WDPCP: variants seen among roughly 807,000 people sequenced by gnomAD.
The protein encoded by WDPCP is WD repeat containing planar cell polarity effector.
Under a neutral mutation model 93.1 loss-of-function variants are expected in WDPCP, and 71 were observed. The observed-to-expected ratio is 0.76, with a 90% CI of 0.63 to 0.93. The LOEUF is 0.93. Among genes scored for constraint, WDPCP ranks in the 40% least tolerant of loss-of-function variants. WDPCP has a pLI of 0.00. For missense variants in WDPCP, 844 were observed against 887.4 expected, an observed-to-expected ratio of 0.95 and a Z score of 0.62; for synonymous variants, 315 against 315.0, an observed-to-expected ratio of 1.00 and a Z score of 0.00.
intron 1 of WDPCP, among the ~76,000 whole-genome samples, chr2:63,566,777 G>A (rs761748926): frequency 2.0e-5 from 3 of 152,182 alleles, no homozygotes; most frequent in Admixed American, 6.5e-5. Context: ...CCTCACTTCA[G>A]ATATTGGTTG....
intron 13 of WDPCP, among the ~76,000 whole-genome samples, chr2:63,309,304 G>T (rs1685992837): frequency 6.6e-6 from 1 of 152,082 alleles, no homozygotes; most frequent in Non-Finnish European, 1.5e-5. Flanking sequence ...AATACAGCAA[G>T]AAAAATAACA....
chr2:63,656,175 C>T (rs931314516), intron 2 of WDPCP, among the ~76,000 whole-genome samples: 3 of 152,148 alleles, frequency 2.0e-5, no homozygotes, highest in African/African-American at 7.2e-5. Context: ...TCTGGGAAAA[C>T]AGGAAGATCC....
chr2:63,524,329 C>T (rs1455862168), intron 1 of WDPCP, among the ~76,000 whole-genome samples: 2 of 152,248 alleles, frequency 1.3e-5, no homozygotes, highest in African/African-American at 2.4e-5. Flanking sequence ...AAGCCAGAAG[C>T]ATCACACTAC....
At chr2:63,441,819 T>G (rs1270653719) in intron 6 of WDPCP, 3 of 152,186 alleles carry the variant, frequency 2.0e-5, no homozygotes. Context: ...TTCATTCATT[T>G]TTTTAATTCA....
At chr2:63,831,323 T>C (rs1477118111), upstream of WDPCP, among the ~76,000 whole-genome samples, 1 of 152,218 alleles carries the variant, frequency 6.6e-6, no homozygotes, top group Non-Finnish European at 1.5e-5. Flanking sequence ...TTCTTGCCTC[T>C]TGCCATTCTG....
At chr2:63,340,163 T>G (rs915486773) in intron 12 of WDPCP, among the ~76,000 whole-genome samples, 1 of 152,206 alleles carries the variant, frequency 6.6e-6, no homozygotes, top group Non-Finnish European at 1.5e-5. Context: ...TTGCTTAGCC[T>G]ATCTTTACTG....
In WDPCP at chr2:63,776,833, T is replaced by G. The variant is rs994932484; in HGVS notation, n.308+36789A>C. Among the ~76,000 whole-genome samples the G allele has an allele frequency of 2.0e-5, 3 of 152,110 alleles. No homozygotes were observed. In the East Asian group the frequency reaches 5.8e-4, roughly 29 times the overall value. On this transcript the variant is annotated intron_variant and non_coding_transcript_variant, in intron 2 of 4. Transcript: ENST00000467687. ...ACATGGACGAATCTGAAGAACATTATGTTAAGTGAAATAAGCCAGACCCAG... is the reference window on the plus strand; with the variant it reads ...ACATGGACGAATCTGAAGAACATTAGGTTAAGTGAAATAAGCCAGACCCAG...
intron 2 of WDPCP, among the ~76,000 whole-genome samples, chr2:63,489,150 AC>A (rs1286191337): frequency 6.6e-6 from 1 of 152,168 alleles, no homozygotes; most frequent in Non-Finnish European, 1.5e-5. Flanking sequence ...GGGTATCTAT[AC>A]AGGGAAGGAG....
intron 3 of WDPCP, among the ~76,000 whole-genome samples, chr2:63,629,494 C>T (rs1365973655): frequency 6.6e-6 from 1 of 152,186 alleles, no homozygotes; most frequent in African/African-American, 2.4e-5. Context: ...ATGAGGCACT[C>T]CTCTCCCACC....
At chr2:63,344,558 C>T (rs963544831) in intron 12 of WDPCP, among the ~76,000 whole-genome samples, 1 of 152,126 alleles carries the variant, frequency 6.6e-6, no homozygotes, top group Non-Finnish European at 1.5e-5. Flanking sequence ...ATTCATGGCT[C>T]CTATTCACCC....
chr2:63,170,843 G>T (rs17474533), intron 15 of WDPCP, among the ~76,000 whole-genome samples: 1,781 of 152,258 alleles, frequency 0.012, 8 homozygotes, highest in Non-Finnish European at 0.019. Flanking sequence ...CTAGGCACTT[G>T]TTAGCATATA....
At chr2:63,140,421 A>G (rs972453279) in intron 17 of WDPCP, among the ~76,000 whole-genome samples, 1 of 152,126 alleles carries the variant, frequency 6.6e-6, no homozygotes, top group Non-Finnish European at 1.5e-5. Context: ...CATTTTCACA[A>G]TATTGATTCT....
At chr2:63,799,808 C>T (rs1400098577) in intron 2 of WDPCP, among the ~76,000 whole-genome samples, 1 of 151,954 alleles carries the variant, frequency 6.6e-6, no homozygotes, top group East Asian at 1.9e-4. Context: ...GAGTGTTGGT[C>T]AGTAAAGTTT....
intron 12 of WDPCP, among the ~76,000 whole-genome samples, chr2:63,375,599 G>T (rs1691785634): frequency 6.6e-6 from 1 of 151,730 alleles, no homozygotes. Flanking sequence ...TTGGAAAAAG[G>T]CTTTCAGATA....
At chr2:63,433,518 A>G (rs763200310) in intron 9 of WDPCP, among the ~76,000 whole-genome samples, 4 of 152,228 alleles carry the variant, frequency 2.6e-5, no homozygotes, top group Non-Finnish European at 4.4e-5. Flanking sequence ...AGGAAGCTAC[A>G]TAGTGGCAGA....
In WDPCP at chr2:63,488,774, A is replaced by C. The variant is rs185532559; in HGVS notation, c.161-1280T>G. On this transcript the variant is annotated intron_variant, in intron 2 of 17. Transcript: ENST00000272321. Reference sequence around the variant, plus strand: ...ATTCCACCCTATAATTATACTCATCATTCCATACATCCAAATATATATCAT... The same window carrying C: ...ATTCCACCCTATAATTATACTCATCCTTCCATACATCCAAATATATATCAT... 3.0e-4 allele frequency among the ~76,000 whole-genome samples: 46 copies of C among 152,194 alleles called. No homozygotes were observed. The East Asian group carries it at 7.9e-3, about 26-fold the overall frequency.
intron 17 of WDPCP, among the ~76,000 whole-genome samples, chr2:63,131,573 TA>T (rs1290411819): frequency 3.9e-5 from 6 of 152,302 alleles, no homozygotes; most frequent in Non-Finnish European, 7.4e-5. Flanking sequence ...ATAGATTCTA[TA>T]CAAGAATTAA....
intron 2 of WDPCP, chr2:63,684,509 A>G: frequency 1.3e-6 from 1 of 741,852 alleles, no homozygotes. Context: ...GTCAAAGATC[A>G]AGTCTTTTGT....
intron 14 of WDPCP, among the ~76,000 whole-genome samples, chr2:63,250,651 C>G (rs1027562440): frequency 6.6e-6 from 1 of 152,000 alleles, no homozygotes; most frequent in Non-Finnish European, 1.5e-5. Flanking sequence ...TTGCCTAGAA[C>G]AATGAGAAAG....
Sources: allele counts gnomAD v4.1 joint callset (sites outside exome capture counted in the v4.1 genomes callset), GRCh38; gene constraint gnomAD v4.1.1; transcripts MANE v1.5; gene names NCBI Gene and HGNC (gene_info 2026-07-23, HGNC 2026-07-21).